Variants in ASPM observed in about 807,000 individuals in gnomAD.
ASPM encodes the protein abnormal spindle-like microcephaly-associated protein.
ASPM carries 256 observed loss-of-function variants against 366.4 expected under a neutral mutation model. The observed-to-expected ratio is 0.70, with a 90% CI of 0.63 to 0.77. The LOEUF (loss-of-function observed/expected upper bound fraction) is 0.77, where lower values mean the gene tolerates loss of function less well. ASPM is among the 30% of genes least tolerant of loss of function. The pLI is 0.00. For synonymous variants in ASPM, 1,414 were observed against 1,342.9 expected, an observed-to-expected ratio of 1.05 and a Z score of -1.16; for missense variants, 4,146 against 4,090.4, an observed-to-expected ratio of 1.01 and a Z score of -0.37.
Position 197,128,377 on chromosome 1 carries a change from C to G in ASPM, c.2936+113G>C. The G allele has an allele frequency of 1.8e-5, 17 of 942,270 alleles. No individual in the cohort carries two copies. In the South Asian group the frequency reaches 2.4e-4, roughly 13 times the overall value. The allele number at this position is 942,270 out of a possible 1,614,324, so 58.4% of individuals were successfully genotyped here. A position where few individuals can be genotyped will look rare whatever the true frequency, so the allele number is the denominator to read the frequency against. On this transcript the variant is annotated intron_variant, in intron 10 of 27. Transcript: ENST00000367409. ...AAAAAAACCTCAATTTTTTTCAGTA[C>G]TAAATTTATTGTACTACTTGAAAGA... is the stretch of plus-strand genomic sequence containing the variant.
intron 17 of ASPM, among the ~76,000 whole-genome samples, chr1:197,114,279 C>T (rs1657677916): frequency 6.6e-6 from 1 of 152,194 alleles, no homozygotes; most frequent in Admixed American, 6.5e-5. Context: ...TGTGAGCCTT[C>T]AGCAAATTGT....
At chr1:197,088,199 A>G (rs748723524) in intron 26 of ASPM, 57 bp downstream of exon 26, 2 of 1,562,162 alleles carry the variant, frequency 1.3e-6, no homozygotes, top group African/African-American at 1.4e-5. Flanking sequence ...TATAAAAGTC[A>G]TAGACTTAAG....
intron 3 of ASPM, among the ~76,000 whole-genome samples, chr1:197,141,079 A>AT (rs372233637): frequency 1.5e-3 from 228 of 151,198 alleles, no homozygotes; most frequent in African/African-American, 5.6e-3. Flanking sequence ...CAAAGAGACA[A>AT]TAAGAGCAGG....
chr1:197,132,928 GAA>G (rs1445308800), intron 6 of ASPM, among the ~76,000 whole-genome samples: 1 of 152,072 alleles, frequency 6.6e-6, no homozygotes, highest in African/African-American at 2.4e-5. Context: ...TAAACAAGTT[GAA>G]TTTATAGAAG....
chr1:197,086,251 G>A (rs1656584895), intron 27 of ASPM, among the ~76,000 whole-genome samples: 1 of 151,722 alleles, frequency 6.6e-6, no homozygotes, highest in Non-Finnish European at 1.5e-5. Flanking sequence ...AAGGAAGGGA[G>A]GGAGAGAGGG....
At chr1:197,139,730 CAT>C (rs1366790873) in intron 4 of ASPM, 35 bp downstream of exon 4, 2 of 1,435,100 alleles carry the variant, frequency 1.4e-6, no homozygotes, top group African/African-American at 2.8e-5. Flanking sequence ...CATTCGATGT[CAT>C]GTTTTCAGAG....
rs570481292 is a variant in ASPM at position 197,085,005 on chromosome 1, T to C, written c.10332-579A>G. Among the ~76,000 whole-genome samples the C allele has an allele frequency of 2.6e-5, 4 of 152,278 alleles. No homozygotes were observed. In the South Asian group the frequency reaches 8.3e-4, roughly 32 times the overall value. ...TACCCCACTGAGATCTCCACTTCAT[T>C]TGGCCTCAACACATACCCAACATCC... On this transcript the variant is annotated intron_variant, in intron 27 of 27. Transcript: ENST00000367409.
At position 197,101,439 on chromosome 1, in the gene ASPM, T is replaced by C. The variant is rs369991422; in HGVS notation, c.7812A>G (p.Lys2604=). The C allele has an allele frequency of 1.2e-6, 2 of 1,608,934 alleles. No individual in the cohort carries two copies. Among genetic ancestry groups the C allele is most frequent in the Admixed American group, 1.7e-5 (1 of 59,674 alleles). The change falls in exon 18 of 28, where the codon AAA becomes AAG. Residue 2604 remains lysine, a synonymous_variant. Coordinates refer to ENST00000367409, the MANE Select transcript of ASPM (RefSeq NM_018136.5). ...QKVFQHNELK[K]ETCVQAGFQD... ...GAAAACCTGCCTGAACACAAGTCTCTTTCTTAAGTTCATTGTGTTGAAATA... is the reference window on the plus strand; with the variant it reads ...GAAAACCTGCCTGAACACAAGTCTCCTTCTTAAGTTCATTGTGTTGAAATA...
chr1:197,107,683 G>A (rs377734261), intron 17 of ASPM, among the ~76,000 whole-genome samples: 2 of 152,154 alleles, frequency 1.3e-5, no homozygotes, highest in East Asian at 3.9e-4. Flanking sequence ...TGAAACTAAT[G>A]GAAAGATAAA....
chr1:197,121,848 A>G (rs181449211), intron 16 of ASPM, 67 bp downstream of exon 16: 3 of 1,517,026 alleles, frequency 2.0e-6, no homozygotes, highest in Non-Finnish European at 2.7e-6. Context: ...AATCATATCA[A>G]AAATCAATCA....
In ASPM at chr1:197,125,887, A is replaced by G. The variant is rs1658076958; in HGVS notation, c.2937-696T>C. ...ACAACCATAGTCTCTAAAGGCTAGA[A>G]AGAGACTTAAGATAATTCTAGGCCA... On this transcript the variant is annotated intron_variant, in intron 10 of 27. Coordinates refer to ENST00000367409, the MANE Select transcript of ASPM (RefSeq NM_018136.5). Among the ~76,000 whole-genome samples, 3 of 152,214 alleles carry G rather than the reference A, an allele frequency of 2.0e-5. No individual in the cohort carries two copies. In the South Asian group the frequency reaches 6.2e-4, roughly 31 times the overall value.
Position 197,090,359 on chromosome 1 carries a change from C to T in ASPM, c.9666G>A (p.Lys3222=), listed in dbSNP as rs1038357465. The T allele has an allele frequency of 6.2e-7, 1 of 1,611,428 alleles. No homozygotes were observed. Among genetic ancestry groups the T allele is most frequent in the South Asian group, 1.1e-5 (1 of 90,966 alleles). ...CTTTAATTTTTGTACAATCATTTTT[C>T]TTCCTCCAAGAATAGCCTCTCCATA... ...QALWRGYSWR[K]KNDCTKIKAI... Residue 3222 remains lysine, a synonymous_variant, in exon 24 of 28, where the codon AAG becomes AAA. Coordinates refer to ENST00000367409, the MANE Select transcript of ASPM (RefSeq NM_018136.5).
At chr1:197,107,709 C>T (rs976303937) in intron 17 of ASPM, among the ~76,000 whole-genome samples, 7 of 152,064 alleles carry the variant, frequency 4.6e-5, no homozygotes, top group African/African-American at 9.7e-5. Flanking sequence ...TCAGTAAAGA[C>T]ATCAAAGATA....
intron 16 of ASPM, among the ~76,000 whole-genome samples, chr1:197,121,440 C>T (rs1395419326): frequency 6.6e-6 from 1 of 152,120 alleles, no homozygotes; most frequent in African/African-American, 2.4e-5. Flanking sequence ...AAGTAGAAGA[C>T]AGCTTCATGG....
chr1:197,095,878 A>T (rs527846257), intron 19 of ASPM, 120 bp downstream of exon 19: 1 of 939,760 alleles, frequency 1.1e-6, no homozygotes, highest in African/African-American at 1.7e-5. Context: ...AAAACCAACC[A>T]TATAAATTAA....
intron 21 of ASPM, among the ~76,000 whole-genome samples, chr1:197,092,268 G>C (rs1048094538): frequency 1.3e-5 from 2 of 151,662 alleles, no homozygotes; most frequent in African/African-American, 4.8e-5. Context: ...TCAGAGTGTA[G>C]AAAGCAAAAT....
In ASPM at chr1:197,128,473, C is replaced by A. The variant is rs1658156124; in HGVS notation, c.2936+17G>T. 3 of 1,602,502 alleles carry A rather than the reference C, an allele frequency of 1.9e-6. No homozygotes were observed. The East Asian group carries it at 6.7e-5, about 36-fold the overall frequency. On this transcript the variant is annotated intron_variant, in intron 10 of 27. Coordinates refer to ENST00000367409, the MANE Select transcript of ASPM (RefSeq NM_018136.5). ...GTCTATTCCATTAAGCAAAATAATT[C>A]TATTTCTTATACGTACACAAGGCGC...
In ASPM at chr1:197,102,385, G is replaced by T. The variant is rs763616570; in HGVS notation, c.6866C>A (p.Ala2289Asp). ...CCGATATTTTCTCTGAATCAAAATA[G>T]CAGTTTTCTTGAGAGAGAGGAATCT... Reference protein sequence around the residue: ...RRRFLSLKKTAILIQRKYRAH... With the variant: ...RRRFLSLKKTDILIQRKYRAH... The change falls in exon 18 of 28, where the codon GCT (alanine) becomes GAT (aspartate). Residue 2289 changes from alanine to aspartate, a missense_variant. Ala to Asp is a moderately radical substitution (Grantham distance 126). Coordinates refer to ENST00000367409, the MANE Select transcript of ASPM (RefSeq NM_018136.5). 6.2e-7 allele frequency: 1 copy of T among 1,612,770 alleles called. No homozygotes were observed. The highest frequency in any genetic ancestry group is 8.5e-7 in the Non-Finnish European group (1 of 1,179,260).
Position 197,103,857 on chromosome 1 carries a change from G to A in ASPM, c.5394C>T (p.Phe1798=), listed in dbSNP as rs1292864938. 6.2e-7 allele frequency: 1 copy of A among 1,612,840 alleles called. No individual in the cohort carries two copies. The highest frequency in any genetic ancestry group is 1.1e-5 in the South Asian group (1 of 91,078). Reference sequence around the variant, plus strand: ...AAGTAGCTGCTTTTTTGACTTGCAAGAAGTTCTTCCTCTGATTGACCTGTG... The same window carrying A: ...AAGTAGCTGCTTTTTTGACTTGCAAAAAGTTCTTCCTCTGATTGACCTGTG... ...YKAQVNQRKN[F]LQVKKAATCL... is the part of the protein sequence containing the mutation. The change falls in exon 18 of 28, where the codon TTC becomes TTT. Residue 1798 remains phenylalanine, a synonymous_variant. Transcript: ENST00000367409.
Sources: gnomAD v4.1 joint callset for allele counts (sites outside exome capture counted in the v4.1 genomes callset) on GRCh38, gnomAD v4.1.1 for gene constraint, MANE v1.5 for transcripts, NCBI Gene and HGNC (gene_info 2026-07-23, HGNC 2026-07-21) for gene names.